TP73: variants seen among roughly 807,000 people sequenced by gnomAD.
TP73 encodes tumor protein p73.
Under a neutral mutation model 62.5 loss-of-function variants are expected in TP73, and 25 were observed. That is an observed-to-expected ratio of 0.40 (90% CI 0.29 to 0.56). TP73 has a LOEUF of 0.56. Among genes scored for constraint, TP73 ranks in the 20% least tolerant of loss-of-function variants. TP73 has a pLI of 0.46. For missense variants in TP73, 754 were observed against 913.3 expected, an observed-to-expected ratio of 0.83 and a Z score of 2.25; for synonymous variants, 423 against 377.5, an observed-to-expected ratio of 1.12 and a Z score of -1.40.
At chr1:3,713,150 T>C (rs1342648677) in intron 4 of TP73, among the ~76,000 whole-genome samples, 4 of 152,232 alleles carry the variant, frequency 2.6e-5, no homozygotes, top group Non-Finnish European at 4.4e-5. Context: ...TGAATCAAAC[T>C]GGGACTGGGG....
intron 1 of TP73, among the ~76,000 whole-genome samples, chr1:3,674,281 C>A (rs376068876): frequency 5.3e-5 from 8 of 152,356 alleles, no homozygotes; most frequent in South Asian, 2.1e-4. Flanking sequence ...CCTCCCCTCC[C>A]GCTTCCCGTG....
intron 1 of TP73, among the ~76,000 whole-genome samples, chr1:3,677,386 G>A (rs541761541): frequency 4.5e-4 from 69 of 152,300 alleles, no homozygotes; most frequent in African/African-American, 1.5e-3. Context: ...GCCTGGCAAA[G>A]GGAGGGGACT....
chr1:3,677,569 C>G (rs1468207575), intron 1 of TP73, among the ~76,000 whole-genome samples: 4 of 152,174 alleles, frequency 2.6e-5, no homozygotes. Flanking sequence ...GCCAGCAGCT[C>G]CCCAATGACC....
intron 3 of TP73, among the ~76,000 whole-genome samples, chr1:3,703,870 A>G (rs1639411803): frequency 6.6e-6 from 1 of 152,134 alleles, no homozygotes; most frequent in Non-Finnish European, 1.5e-5. Flanking sequence ...AGGAATGGGG[A>G]AGTCGTGCAT....
At chr1:3,731,715 G>A (rs1490941134) in intron 13 of TP73, among the ~76,000 whole-genome samples, 159 bp downstream of exon 13, 2 of 152,212 alleles carry the variant, frequency 1.3e-5, no homozygotes, top group Non-Finnish European at 2.9e-5. Context: ...GAGAGCTTAG[G>A]CAGATGCAGC....
chr1:3,711,362 C>G (rs114938817), intron 4 of TP73, among the ~76,000 whole-genome samples: 171 of 152,358 alleles, frequency 1.1e-3, no homozygotes, highest in African/African-American at 3.9e-3. Context: ...CTGAGCCCTG[C>G]TGGCCACTCC....
At chr1:3,665,490 A>AATAACAGAAAG (rs1645090509) in intron 1 of TP73, among the ~76,000 whole-genome samples, 1 of 152,174 alleles carries the variant, frequency 6.6e-6, no homozygotes, top group East Asian at 1.9e-4. Context: ...AAAGTATTAG[A>AATAACAGAAAG]ATAACAGAAA....
rs755497658 is a variant in TP73, at chr1:3,707,710, C to A, written c.348C>A (p.Pro116=). Residue 116 remains proline (P), a synonymous_variant, in exon 4 of 14, where the codon CCC becomes CCA. Coordinates refer to ENST00000378295, the MANE Select transcript of TP73 (RefSeq NM_005427.4). Reference sequence around the variant, plus strand: ...CCATGTCGCCGGCGCCTGTCATCCCCTCCAACACCGACTACCCCGGACCCC... The same window carrying A: ...CCATGTCGCCGGCGCCTGTCATCCCATCCAACACCGACTACCCCGGACCCC... ...FDTMSPAPVI[P]SNTDYPGPHH... 116 of 1,613,198 alleles carry A rather than the reference C, an allele frequency of 7.2e-5. No individual in the cohort carries two copies. The highest frequency in any genetic ancestry group is 1.6e-5 in the Non-Finnish European group (19 of 1,179,978).
intron 2 of TP73, among the ~76,000 whole-genome samples, chr1:3,682,765 C>G (rs907150530): frequency 1.3e-5 from 2 of 152,204 alleles, no homozygotes; most frequent in African/African-American, 4.8e-5. Flanking sequence ...CCTAGGCCTT[C>G]CCTGGGGATG....
In TP73 at chr1:3,728,152, G is replaced by A. The variant is rs202137544; in HGVS notation, c.1009G>A (p.Val337Ile). ...AGCCTTCAAGCAGAGCCCCCCTGCC[G>A]TCCCCGCCCTTGGTGCCGGTGTGAA... ...KRAFKQSPPAVPALGAGVKKR... is the reference protein window; with the variant it reads ...KRAFKQSPPAIPALGAGVKKR... The change falls in exon 9 of 14, where the codon GTC becomes ATC. Residue 337 changes from valine to isoleucine, a missense_variant. Around this residue, in one of 3 missense-constraint regions of TP73, gnomAD observed 458 missense variants for 528.7 expected, o/e 0.87. Transcript: ENST00000378295. The A allele has an allele frequency of 2.5e-5, 40 of 1,611,558 alleles. No individual in the cohort carries two copies. Among genetic ancestry groups the A allele is most frequent in the East Asian group, 6.7e-5 (3 of 44,880 alleles).
chr1:3,678,549 G>T (rs561981099), intron 1 of TP73, among the ~76,000 whole-genome samples: 1 of 152,368 alleles, frequency 6.6e-6, no homozygotes, highest in African/African-American at 2.4e-5. Context: ...AGGAAGTTGG[G>T]AATCAGGCAT....
intron 3 of TP73, among the ~76,000 whole-genome samples, chr1:3,689,300 A>G (rs1367722321): frequency 2.0e-5 from 3 of 152,152 alleles, no homozygotes; most frequent in Non-Finnish European, 4.4e-5. Context: ...GATCTACCAG[A>G]CAAAACTGTC....
At chr1:3,726,458 T>G (rs1570627226) in intron 6 of TP73, among the ~76,000 whole-genome samples, 2 of 118,686 alleles carry the variant, frequency 1.7e-5, no homozygotes, top group African/African-American at 3.9e-5. Context: ...GGTGGATGGG[T>G]GGATGGATGG....
intron 3 of TP73, among the ~76,000 whole-genome samples, chr1:3,706,295 A>G (rs1052202887): frequency 3.3e-5 from 5 of 151,914 alleles, no homozygotes; most frequent in African/African-American, 1.2e-4. Context: ...CTCATCTGTA[A>G]AATGGGGACA....
At chr1:3,697,455 C>T (rs1273044316) in intron 3 of TP73, among the ~76,000 whole-genome samples, 1 of 152,232 alleles carries the variant, frequency 6.6e-6, no homozygotes, top group African/African-American at 2.4e-5. Flanking sequence ...CAGATCTTTC[C>T]CTTCCTGCAG....
In TP73 at chr1:3,683,168, T is replaced by C. The variant is rs745954458; in HGVS notation, c.174T>C (p.Thr58=). Reference sequence around the variant, plus strand: ...ACGTCTTCCACCTGGAGGGCATGACTACATCTGTCATGGTGAGTGGGGGGG... The same window carrying C: ...ACGTCTTCCACCTGGAGGGCATGACCACATCTGTCATGGTGAGTGGGGGGG... ...SMDVFHLEGM[T]TSVMAQFNLL... is the part of the protein sequence containing the mutation. The change falls in exon 3 of 14, where the codon ACT becomes ACC. Residue 58 remains threonine (T), a synonymous_variant. Transcript: ENST00000378295. 6.2e-7 allele frequency: 1 copy of C among 1,608,790 alleles called. No individual in the cohort carries two copies. Among genetic ancestry groups the C allele is most frequent in the Non-Finnish European group, 8.5e-7 (1 of 1,177,188 alleles).
At chr1:3,686,239 G>A (rs995370107) in intron 3 of TP73, among the ~76,000 whole-genome samples, 7 of 152,234 alleles carry the variant, frequency 4.6e-5, no homozygotes, top group East Asian at 1.9e-4. Context: ...CGTGCCTTCC[G>A]CATCTGGGGG....
chr1:3,679,488 T>C (rs1002838034), intron 1 of TP73, among the ~76,000 whole-genome samples: 1 of 152,096 alleles, frequency 6.6e-6, no homozygotes, highest in African/African-American at 2.4e-5. Context: ...TCTCCATCTC[T>C]CTCTGTCTCT....
intron 1 of TP73, among the ~76,000 whole-genome samples, chr1:3,655,895 C>T (rs1294394687): frequency 6.6e-6 from 1 of 152,188 alleles, no homozygotes; most frequent in East Asian, 1.9e-4. Context: ...TCCCTCTACT[C>T]AGCCGGGCGC....
Sources: gnomAD v4.1 joint callset for allele counts (sites outside exome capture counted in the v4.1 genomes callset) on GRCh38, gnomAD v4.1.1 for gene constraint, gnomAD v4.1.1 regional missense constraint, MANE v1.5 for transcripts, NCBI Gene and HGNC (gene_info 2026-07-23, HGNC 2026-07-21) for gene names.